SQOR: variants seen among roughly 807,000 people sequenced by gnomAD.
SQOR encodes sulfide quinone oxidoreductase.
A neutral mutation model predicts 48.6 loss-of-function variants in SQOR; 39 were observed. The observed-to-expected ratio is 0.80, with a 90% CI of 0.62 to 1.05. The LOEUF is 1.05. SQOR is among the 50% of genes least tolerant of loss of function. The probability of loss-of-function intolerance (pLI) is 0.00; values close to 1 mark genes in which losing one functional copy is unlikely to be tolerated. For synonymous variants in SQOR, 220 were observed against 206.2 expected (o/e 1.07, Z -0.57); for missense variants, 561 against 559.9 (o/e 1.00, Z -0.02).
rs1351465032 is a variant in SQOR at position 45,659,125 on chromosome 15, G to A, written c.202G>A (p.Ala68Thr). The A allele has an allele frequency of 4.5e-6, 7 of 1,566,328 alleles. No homozygotes were observed. The highest frequency in any genetic ancestry group is 2.7e-5 in the African/African-American group (2 of 74,510). ...MAARMKRKVGAENVAIVEPSE... is the reference protein window; with the variant it reads ...MAARMKRKVGTENVAIVEPSE... ...TGCCCGCATGAAGAGGAAAGTGGGTGCAGAGAATGTGGCCATTGTTGAGCC... is the reference window on the plus strand; with the variant it reads ...TGCCCGCATGAAGAGGAAAGTGGGTACAGAGAATGTGGCCATTGTTGAGCC... The change falls in exon 2 of 10, where the codon GCA (alanine) becomes ACA (threonine). Residue 68 changes from alanine to threonine, a missense_variant. Transcript: ENST00000260324.
intron 1 of SQOR, among the ~76,000 whole-genome samples, chr15:45,636,694 G>C (rs576469179): frequency 6.6e-6 from 1 of 152,062 alleles, no homozygotes; most frequent in Non-Finnish European, 1.5e-5. Flanking sequence ...GAGCCACTGC[G>C]CACGGCCAAT....
intron 1 of SQOR, among the ~76,000 whole-genome samples, chr15:45,653,651 T>C (rs1470661399): frequency 2.6e-5 from 4 of 152,122 alleles, no homozygotes; most frequent in East Asian, 3.9e-4. Flanking sequence ...GTTTGGTTTT[T>C]CTGGTGACCA....
At position 45,682,635 on chromosome 15, in the gene SQOR, C is replaced by G. The variant is rs1306749579; in HGVS notation, c.1022C>G (p.Pro341Arg). 6.2e-7 allele frequency: 1 copy of G among 1,614,070 alleles called. No individual in the cohort carries two copies. Residue 341 changes from proline (P) to arginine (R), a missense_variant, in exon 7 of 10, where the codon CCT (proline) becomes CGT (arginine). By Grantham distance (103) the Pro-to-Arg change is moderately radical. Coordinates refer to ENST00000260324, the MANE Select transcript of SQOR (RefSeq NM_021199.4). ...VFGIGDCTNL[P>R]TSKTAAAVAA... is the part of the protein sequence containing the mutation. ...GGGATTGGGGACTGCACCAACCTTCCTACGTCAAAGACCGCTGCTGCAGTA... is the reference window on the plus strand; with the variant it reads ...GGGATTGGGGACTGCACCAACCTTCGTACGTCAAAGACCGCTGCTGCAGTA...
chr15:45,644,419 TGAG>T (rs1222846852), intron 1 of SQOR, among the ~76,000 whole-genome samples: 4 of 152,128 alleles, frequency 2.6e-5, no homozygotes. Context: ...AGTGGATATG[TGAG>T]GAGAAGAAGC....
chr15:45,637,295 C>T (rs1895022240), intron 1 of SQOR, among the ~76,000 whole-genome samples: 1 of 152,140 alleles, frequency 6.6e-6, no homozygotes, highest in African/African-American at 2.4e-5. Flanking sequence ...TTTCTTTTCG[C>T]CTCAGCTTCT....
upstream of SQOR, among the ~76,000 whole-genome samples, chr15:45,634,032 C>T (rs1254614890): frequency 2.7e-5 from 4 of 150,056 alleles, no homozygotes; most frequent in African/African-American, 7.4e-5. Context: ...AAAAATTAGC[C>T]GGGCATGGTG....
chr15:45,649,485 CTTTTTT>C (rs921271206), intron 1 of SQOR, among the ~76,000 whole-genome samples: 19 of 151,842 alleles, frequency 1.3e-4, no homozygotes, highest in East Asian at 1.9e-4. Flanking sequence ...TTTTCTTTTT[CTTTTTT>C]TTGAGACAGA....
intron 2 of SQOR, among the ~76,000 whole-genome samples, chr15:45,660,933 A>G (rs1246840534): frequency 6.6e-6 from 1 of 152,108 alleles, no homozygotes; most frequent in African/African-American, 2.4e-5. Flanking sequence ...AGAGGCCATT[A>G]AACAAATCTG....
upstream of SQOR, among the ~76,000 whole-genome samples, chr15:45,632,512 ACC>A (rs1205758740): frequency 6.6e-6 from 1 of 151,700 alleles, no homozygotes; most frequent in Non-Finnish European, 1.5e-5. Flanking sequence ...GAGCCACCGC[ACC>A]CAGCCCAGGA....
At chr15:45,642,197 T>C (rs1895116067) in intron 1 of SQOR, among the ~76,000 whole-genome samples, 1 of 152,216 alleles carries the variant, frequency 6.6e-6, no homozygotes, top group East Asian at 1.9e-4. Flanking sequence ...CCAAGGGCTC[T>C]CACTGCCATT....
intron 1 of SQOR, among the ~76,000 whole-genome samples, chr15:45,655,963 G>A (rs1267778022): frequency 2.6e-5 from 4 of 151,782 alleles, no homozygotes; most frequent in Non-Finnish European, 4.4e-5. Flanking sequence ...AGGATTACAG[G>A]CGTGAGCCAC....
At chr15:45,673,117 G>A (rs955536420) in intron 4 of SQOR, among the ~76,000 whole-genome samples, 1 of 152,206 alleles carries the variant, frequency 6.6e-6, no homozygotes, top group Non-Finnish European at 1.5e-5. Context: ...GGAAGAGCCA[G>A]GACTCAAACT....
At chr15:45,671,588 G>T (rs966612229) in intron 4 of SQOR, among the ~76,000 whole-genome samples, 1 of 152,188 alleles carries the variant, frequency 6.6e-6, no homozygotes, top group Admixed American at 6.5e-5. Context: ...CTCTTTGATT[G>T]CAATTTCAAG....
intron 9 of SQOR, chr15:45,689,495 G>A: frequency 5.2e-6 from 1 of 192,328 alleles, no homozygotes; most frequent in Non-Finnish European, 1.0e-5. Context: ...TTGGCTCACT[G>A]CAACCTCCAC....
intron 3 of SQOR, among the ~76,000 whole-genome samples, chr15:45,665,257 G>A (rs1303155917): frequency 6.6e-6 from 1 of 152,198 alleles, no homozygotes; most frequent in Non-Finnish European, 1.5e-5. Flanking sequence ...TTAGGGCAGA[G>A]AAGTTGGTGC....
intron 1 of SQOR, among the ~76,000 whole-genome samples, chr15:45,652,056 T>C (rs1889502628): frequency 6.6e-6 from 1 of 151,808 alleles, no homozygotes; most frequent in Admixed American, 6.6e-5. Flanking sequence ...GTATTTTTAG[T>C]AGACAGGGGG....
intron 1 of SQOR, among the ~76,000 whole-genome samples, chr15:45,650,480 T>C (rs1889459141): frequency 6.6e-6 from 1 of 152,154 alleles, no homozygotes; most frequent in Admixed American, 6.5e-5. Flanking sequence ...ATAAGGGTAA[T>C]GCCAGTGTGG....
chr15:45,632,584 A>G (rs1315493782), upstream of SQOR, among the ~76,000 whole-genome samples: 1 of 152,116 alleles, frequency 6.6e-6, no homozygotes. Flanking sequence ...CCCAGCAGGC[A>G]GCACATCTCC....
At chr15:45,639,692 C>T (rs562123563) in intron 1 of SQOR, among the ~76,000 whole-genome samples, 1 of 152,280 alleles carries the variant, frequency 6.6e-6, no homozygotes, top group African/African-American at 2.4e-5. Flanking sequence ...TTTTAACAAC[C>T]ACCATGTTTG....
Sources: gnomAD v4.1 joint callset for allele counts (sites outside exome capture counted in the v4.1 genomes callset) on GRCh38, gnomAD v4.1.1 for gene constraint, MANE v1.5 for transcripts, NCBI Gene and HGNC (gene_info 2026-07-23, HGNC 2026-07-21) for gene names.